RSRP1: variants seen among roughly 807,000 people sequenced by gnomAD.
RSRP1 encodes arginine and serine rich protein 1.
Under a neutral mutation model 33.0 loss-of-function variants are expected in RSRP1, and 37 were observed. The ratio of observed to expected loss-of-function variants is 1.12; its 90% confidence interval spans 0.86 to 1.48. The LOEUF (loss-of-function observed/expected upper bound fraction) is 1.48. RSRP1 is among the 40% of genes most tolerant of loss of function. The pLI is 0.00. For synonymous variants in RSRP1, 167 were observed against 158.7 expected (o/e 1.05, Z -0.40); for missense variants, 402 against 385.3 (o/e 1.04, Z -0.36).
chr1:25,282,058 T>C (rs111989070), intron 1 of RSRP1, among the ~76,000 whole-genome samples: 3,210 of 131,426 alleles, frequency 0.024, 517 homozygotes, highest in African/African-American at 0.077. Flanking sequence ...TGATGAACAG[T>C]CACTATTTAT....
upstream of RSRP1, chr1:25,247,705 G>A (rs1354372534): frequency 6.6e-6 from 1 of 152,304 alleles, no homozygotes; most frequent in Non-Finnish European, 1.5e-5. Context: ...TGAGATAATT[G>A]CGGGACCGAC....
intron 1 of RSRP1, among the ~76,000 whole-genome samples, chr1:25,260,162 G>A (rs1215837963): frequency 1.3e-5 from 2 of 152,192 alleles, no homozygotes; most frequent in African/African-American, 4.8e-5. Context: ...TTTAGTCACT[G>A]AATATAGCTA....
chr1:25,255,982 T>C (rs1639935511), intron 1 of RSRP1, among the ~76,000 whole-genome samples: 1 of 151,814 alleles, frequency 6.6e-6, no homozygotes, highest in African/African-American at 2.4e-5. Context: ...AAATGGGGGG[T>C]TGGAGACCAC....
At position 25,276,558 on chromosome 1, in the gene RSRP1, T is replaced by G. The variant is rs113483702; in HGVS notation, c.-66-29529A>C. ...AAAAAAAAAAAAAAAAAAAAAAACTTTAAAATTTAACCCAGTGTGGTGGCA... is the reference window on the plus strand; with the variant it reads ...AAAAAAAAAAAAAAAAAAAAAAACTGTAAAATTTAACCCAGTGTGGTGGCA... On this transcript the variant is annotated intron_variant, in intron 1 of 1. Coordinates refer to the RSRP1 transcript ENST00000561867. 6.8e-5 allele frequency among the ~76,000 whole-genome samples: 6 copies of G among 87,986 alleles called. No homozygotes were observed. The South Asian group carries it at 9.0e-4, about 13-fold the overall frequency. 57.7% of individuals were successfully genotyped at this position (87,986 alleles called of 152,430 possible).
intron 1 of RSRP1, among the ~76,000 whole-genome samples, chr1:25,255,820 C>T (rs1639929244): frequency 1.3e-5 from 2 of 152,054 alleles, no homozygotes; most frequent in African/African-American, 4.8e-5. Flanking sequence ...GCACAGAGTT[C>T]GCTCCTGTGG....
chr1:25,314,730 T>C (rs1644347535), intron 1 of RSRP1, among the ~76,000 whole-genome samples: 1 of 131,990 alleles, frequency 7.6e-6, no homozygotes, highest in African/African-American at 2.6e-5. Context: ...GATCTTGGAC[T>C]CCTGGCCTCA....
intron 1 of RSRP1, among the ~76,000 whole-genome samples, chr1:25,281,992 AG>A (rs1641524002): frequency 7.5e-6 from 1 of 132,640 alleles, no homozygotes; most frequent in South Asian, 2.3e-4. Flanking sequence ...TATCAAGGCC[AG>A]GGCTGGAGAC....
At chr1:25,262,032 C>T (rs1355113650) in intron 1 of RSRP1, among the ~76,000 whole-genome samples, 2 of 152,104 alleles carry the variant, frequency 1.3e-5, no homozygotes, top group Middle Eastern at 3.2e-3. Context: ...TTTCTTATTT[C>T]CCACATTGCC....
At position 25,320,894 on chromosome 1, in the gene RSRP1, C is replaced by G. The variant is rs1366277198; in HGVS notation, c.-67+17084G>C. 1.5e-5 allele frequency among the ~76,000 whole-genome samples: 2 copies of G among 130,346 alleles called. 1 individual carries two copies. The highest frequency in any genetic ancestry group is 5.2e-5 in the African/African-American group (2 of 38,356). The allele number at this position is 130,346 out of a possible 152,430, so 85.5% of individuals were successfully genotyped here. A position where few individuals can be genotyped will look rare whatever the true frequency, so the allele number is the denominator to read the frequency against. ...CTGTCTCTGCAAAAAATACCAAAAACTGAGCTGGATATGGTAGCACACACC... is the reference window on the plus strand; with the variant it reads ...CTGTCTCTGCAAAAAATACCAAAAAGTGAGCTGGATATGGTAGCACACACC... On this transcript the variant is annotated intron_variant, in intron 1 of 1. Transcript: ENST00000561867.
At position 25,307,383 on chromosome 1, in the gene RSRP1, G is replaced by T. The variant is rs1293163395; in HGVS notation, c.-67+30595C>A. 3.8e-5 allele frequency among the ~76,000 whole-genome samples: 5 copies of T among 131,580 alleles called. 2 individuals carry two copies. Among genetic ancestry groups the T allele is most frequent in the Non-Finnish European group, 9.0e-5 (5 of 55,762 alleles). 86.3% of individuals were successfully genotyped at this position (131,580 alleles called of 152,430 possible). A position where few individuals can be genotyped will look rare whatever the true frequency, so the allele number is the denominator to read the frequency against. On this transcript the variant is annotated intron_variant, in intron 1 of 1. Transcript: ENST00000561867. ...CCCTAGCCATTACTTCCTGGATGTT[G>T]TGTGAATATTTTCTGGACATGGCTT... is the stretch of plus-strand genomic sequence containing the variant.
chr1:25,296,405 C>T (rs1467691740), intron 1 of RSRP1, among the ~76,000 whole-genome samples: 14 of 119,736 alleles, frequency 1.2e-4, no homozygotes, highest in African/African-American at 3.9e-4. Context: ...CCACCATGCC[C>T]AGTTAATTTT....
rs923525706 is a variant in RSRP1, at chr1:25,285,796, C to T, written c.-66-38767G>A. Reference sequence around the variant, plus strand: ...AAACATTGTTTTGTTTTGTTCAAACCTCTGAATCCCTGTGCTGCCCAGATG... The same window carrying T: ...AAACATTGTTTTGTTTTGTTCAAACTTCTGAATCCCTGTGCTGCCCAGATG... On this transcript the variant is annotated intron_variant, in intron 1 of 1. Transcript: ENST00000561867. 1.3e-4 allele frequency among the ~76,000 whole-genome samples: 18 copies of T among 134,978 alleles called. 1 individual carries two copies. Among genetic ancestry groups the T allele is most frequent in the African/African-American group, 4.6e-4 (18 of 38,956 alleles). 88.6% of individuals were successfully genotyped at this position (134,978 alleles called of 152,430 possible).
rs1439310646 is a variant in RSRP1 at position 25,298,686 on chromosome 1, A to C, written c.-67+39292T>G. On this transcript the variant is annotated intron_variant, in intron 1 of 1. Transcript: ENST00000561867. Reference sequence around the variant, plus strand: ...CTTTTTACCATCATTTGTTCCCTTCACAAATATTTATTTGGTATTTACTAT... The same window carrying C: ...CTTTTTACCATCATTTGTTCCCTTCCCAAATATTTATTTGGTATTTACTAT... Among the ~76,000 whole-genome samples, 6 of 131,474 alleles carry C rather than the reference A, an allele frequency of 4.6e-5. 2 individuals carry two copies. The highest frequency in any genetic ancestry group is 1.3e-4 in the African/African-American group (5 of 38,128). The allele number at this position is 131,474 out of a possible 152,430, so 86.3% of individuals were successfully genotyped here.
intron 1 of RSRP1, among the ~76,000 whole-genome samples, chr1:25,285,134 ATT>A (rs869147845): frequency 7.5e-5 from 9 of 120,708 alleles, no homozygotes; most frequent in Admixed American, 7.9e-5. Flanking sequence ...GAGACATTCT[ATT>A]TTTTTTTTTT....
chr1:25,268,948 CAAA>C (rs59919895), intron 1 of RSRP1, among the ~76,000 whole-genome samples: 4 of 72,584 alleles, frequency 5.5e-5, no homozygotes, highest in Admixed American at 1.3e-4. Flanking sequence ...AACTTCATCT[CAAA>C]AAAAAAAAAA....
In RSRP1 at chr1:25,282,919, G is replaced by T. The variant is rs1417692281; in HGVS notation, c.-66-35890C>A. 1.5e-5 allele frequency among the ~76,000 whole-genome samples: 2 copies of T among 131,048 alleles called. 1 individual carries two copies. The highest frequency in any genetic ancestry group is 3.6e-5 in the Non-Finnish European group (2 of 55,330). The allele number at this position is 131,048 out of a possible 152,430, so 86.0% of individuals were successfully genotyped here. A position where few individuals can be genotyped will look rare whatever the true frequency, so the allele number is the denominator to read the frequency against. ...AAAAAAAAAAATTGTCTACATGCTG[G>T]TTGCAGAAAATTTAAACACTAAAAC... On this transcript the variant is annotated intron_variant, in intron 1 of 1. Transcript: ENST00000561867.
At chr1:25,301,791 G>T (rs1643411272) in intron 1 of RSRP1, 1 of 880,900 alleles carries the variant, frequency 1.1e-6, no homozygotes, top group Non-Finnish European at 1.8e-6. Context: ...GAGAGGGCAT[G>T]CCGGGTGGTG....
chr1:25,315,849 T>C (rs147915705), intron 1 of RSRP1, among the ~76,000 whole-genome samples: 1,695 of 131,194 alleles, frequency 0.013, 253 homozygotes, highest in African/African-American at 0.042. Context: ...TCCACTCTCC[T>C]ATGATCTTAT....
intron 2 of RSRP1, 48 bp downstream of exon 2, chr1:25,246,396 A>C (rs1039588895): frequency 4.4e-6 from 7 of 1,589,948 alleles, no homozygotes; most frequent in Non-Finnish European, 6.0e-6. Context: ...CTACTCATAT[A>C]CTGCCACCAT....
Sources: gnomAD v4.1 joint callset for allele counts (sites outside exome capture counted in the v4.1 genomes callset) on GRCh38, gnomAD v4.1.1 for gene constraint, MANE v1.5 for transcripts, NCBI Gene and HGNC (gene_info 2026-07-23, HGNC 2026-07-21) for gene names.